SLC39A12: variants seen among roughly 807,000 people sequenced by gnomAD.
The protein encoded by SLC39A12 is zinc transporter ZIP12.
SLC39A12 carries 63 observed loss-of-function variants against 71.1 expected under a neutral mutation model. The observed-to-expected ratio is 0.89, with a 90% CI of 0.72 to 1.09. The LOEUF (loss-of-function observed/expected upper bound fraction) is 1.09. SLC39A12 is among the 50% of genes least tolerant of loss of function. The pLI, the probability that SLC39A12 is intolerant of heterozygous loss-of-function variation, is 0.00. For missense variants in SLC39A12, 892 were observed against 812.6 expected (o/e 1.10, Z -1.19); for synonymous variants, 351 against 301.3 (o/e 1.16, Z -1.71).
rs1223254794 is a variant in SLC39A12, at chr10:18,042,848, C to T, written c.*15C>T. The T allele has an allele frequency of 6.3e-7, 1 of 1,594,880 alleles. No individual in the cohort carries two copies. The highest frequency in any genetic ancestry group is 8.5e-7 in the Non-Finnish European group (1 of 1,172,720). ...TTAAAATATAAGTGAGGATCTTCAA[C>T]ATCTTTCAAAAATGCATTTATATAG... is the stretch of plus-strand genomic sequence containing the variant. On this transcript the variant is annotated 3_prime_UTR_variant, in exon 13 of 13. Transcript: ENST00000377369.
intron 4 of SLC39A12, among the ~76,000 whole-genome samples, chr10:17,972,864 G>A (rs559558134): frequency 4.6e-5 from 7 of 151,774 alleles, no homozygotes; most frequent in Admixed American, 2.6e-4. Context: ...GTGAGGACTC[G>A]CTCCTGCCAT....
At chr10:17,983,168 CAAAAAAAAAAAAAAAAAAAA>C (rs59513976) in intron 6 of SLC39A12, among the ~76,000 whole-genome samples, 1 of 60,596 alleles carries the variant, frequency 1.7e-5, no homozygotes, top group African/African-American at 6.0e-5. Context: ...GACTCCATCT[CAAAAAAAAAAAAAAAAAAAA>C]AAAAAAAAAG....
intron 4 of SLC39A12, among the ~76,000 whole-genome samples, chr10:17,969,366 A>G (rs1190740707): frequency 2.0e-5 from 3 of 152,156 alleles, no homozygotes; most frequent in African/African-American, 7.2e-5. Context: ...AAACCTCCCG[A>G]TCGTTCTCCA....
chr10:17,956,076 C>G (rs572004625), intron 2 of SLC39A12, among the ~76,000 whole-genome samples: 5 of 152,272 alleles, frequency 3.3e-5, no homozygotes, highest in African/African-American at 1.2e-4. Flanking sequence ...TGGACAAACA[C>G]ATGTTCCTCA....
rs1589214896 is a variant in SLC39A12 at position 17,953,236 on chromosome 10, A to G, written c.-41A>G. Reference sequence around the variant, plus strand: ...TTACCCCATAAACGGCAACACACTCACCTCCATCCAAGACAGACTCAAGGT... The same window carrying G: ...TTACCCCATAAACGGCAACACACTCGCCTCCATCCAAGACAGACTCAAGGT... On this transcript the variant is annotated 5_prime_UTR_variant, in exon 2 of 13. Coordinates refer to ENST00000377369, the MANE Select transcript of SLC39A12 (RefSeq NM_001145195.2). The G allele has an allele frequency of 1.9e-6, 3 of 1,592,742 alleles. No homozygotes were observed. The highest frequency in any genetic ancestry group is 8.6e-7 in the Non-Finnish European group (1 of 1,169,166).
chr10:18,036,805 T>TTA (rs60401828), intron 12 of SLC39A12, among the ~76,000 whole-genome samples: 2 of 119,778 alleles, frequency 1.7e-5, no homozygotes, highest in Admixed American at 9.1e-5. Context: ...TTTTTTTTTT[T>TTA]AATGGAATCT....
intron 2 of SLC39A12, 68 bp from the exon 3 acceptor site, chr10:17,961,513 C>T (rs1408482216): frequency 1.4e-6 from 2 of 1,443,606 alleles, no homozygotes; most frequent in Admixed American, 2.1e-5. Flanking sequence ...CCCTGGTGGT[C>T]ATTAGTGTTC....
chr10:17,952,401 TAAAA>T (rs1397681585), intron 1 of SLC39A12, among the ~76,000 whole-genome samples: 1 of 151,532 alleles, frequency 6.6e-6, no homozygotes, highest in Non-Finnish European at 1.5e-5. Context: ...CTTAGTAAAC[TAAAA>T]AAAAGACCTG....
At chr10:18,029,543 C>T (rs1226914456) in intron 12 of SLC39A12, among the ~76,000 whole-genome samples, 1 of 152,156 alleles carries the variant, frequency 6.6e-6, no homozygotes, top group African/African-American at 2.4e-5. Context: ...TGGCAGAAAT[C>T]TAAAGAACAT....
chr10:17,954,305 G>C (rs1554847527), intron 2 of SLC39A12, among the ~76,000 whole-genome samples: 1 of 152,168 alleles, frequency 6.6e-6, no homozygotes, highest in Non-Finnish European at 1.5e-5. Flanking sequence ...CCAGGCTGGA[G>C]TGCAATGGCA....
intron 12 of SLC39A12, among the ~76,000 whole-genome samples, chr10:18,036,769 TATATATA>T (rs1837044507): frequency 1.3e-5 from 1 of 79,404 alleles, no homozygotes. Context: ...TATATATATA[TATATATA>T]TATATATATA....
intron 8 of SLC39A12, among the ~76,000 whole-genome samples, chr10:17,991,834 AT>A (rs1179943250): frequency 2.0e-5 from 3 of 152,162 alleles, no homozygotes; most frequent in African/African-American, 4.8e-5. Flanking sequence ...CATGCCTGTA[AT>A]TTCAGCACTT....
chr10:18,029,291 C>T (rs775314113), intron 12 of SLC39A12, among the ~76,000 whole-genome samples: 2 of 152,146 alleles, frequency 1.3e-5, no homozygotes, highest in African/African-American at 4.8e-5. Flanking sequence ...GTGGATAAGT[C>T]GTAGTTTGTG....
Position 17,991,141 on chromosome 10 carries a change from T to TTC in SLC39A12, c.1270-10_1270-9insTC, listed in dbSNP as rs1554851668. On this transcript the variant is annotated splice_polypyrimidine_tract_variant and intron_variant, in intron 7 of 12. Coordinates refer to ENST00000377369, the MANE Select transcript of SLC39A12 (RefSeq NM_001145195.2). ...TCTCTCTGCCTTTTTTTTTTTTTTT[T>TTC]CCCCTGAAGGTTCTTGGTTTACATA... is the stretch of plus-strand genomic sequence containing the variant. The TTC allele has an allele frequency of 1.1e-3, 1,603 of 1,520,794 alleles. No homozygotes were observed. Among genetic ancestry groups the TTC allele is most frequent in the Admixed American group, 3.2e-3 (127 of 39,388 alleles). The allele number at this position is 1,520,794 out of a possible 1,614,324, so 94.2% of individuals were successfully genotyped here. A position where few individuals can be genotyped will look rare whatever the true frequency, so the allele number is the denominator to read the frequency against.
chr10:17,958,436 C>G (rs1160510569), intron 2 of SLC39A12, among the ~76,000 whole-genome samples: 1 of 152,156 alleles, frequency 6.6e-6, no homozygotes, highest in Non-Finnish European at 1.5e-5. Context: ...TGATGTTAGA[C>G]TTGGACCAAT....
chr10:17,989,897 C>T (rs115346733), intron 7 of SLC39A12, among the ~76,000 whole-genome samples: 2,527 of 151,292 alleles, frequency 0.017, 84 homozygotes, highest in African/African-American at 0.057. Flanking sequence ...GGCAACAGAA[C>T]GAGACTCTGT....
chr10:17,969,462 G>A (rs116712796), intron 4 of SLC39A12, among the ~76,000 whole-genome samples: 2,062 of 152,188 alleles, frequency 0.014, 41 homozygotes, highest in African/African-American at 0.043. Context: ...TTTATTGCCT[G>A]TCTTTTGGCT....
At chr10:17,972,739 T>C (rs11592310) in intron 4 of SLC39A12, among the ~76,000 whole-genome samples, 37,724 of 151,834 alleles carry the variant, frequency 0.25, 4,900 homozygotes, top group African/African-American at 0.31. Context: ...ATAGGTGAAG[T>C]GTGTTTCTTA....
At chr10:17,983,610 C>T (rs969829636) in intron 6 of SLC39A12, among the ~76,000 whole-genome samples, 19 of 152,012 alleles carry the variant, frequency 1.2e-4, no homozygotes, top group Admixed American at 2.0e-4. Flanking sequence ...GGTAAAACCC[C>T]GTCTCTACTA....
Sources: allele counts gnomAD v4.1 joint callset (sites outside exome capture counted in the v4.1 genomes callset), GRCh38; gene constraint gnomAD v4.1.1; transcripts MANE v1.5; gene names NCBI Gene and HGNC (gene_info 2026-07-23, HGNC 2026-07-21).